Variants in ZNF487 observed in about 807,000 individuals in gnomAD.
ZNF487 encodes KRAB domain only 1.
A neutral mutation model predicts 3.0 loss-of-function variants in ZNF487; 4 were observed. The observed-to-expected ratio is 1.35, with a 90% CI of 0.66 to 3.08. The LOEUF (loss-of-function observed/expected upper bound fraction) is 3.08. Ranked by LOEUF, ZNF487 falls within the 30% of genes most tolerant of loss-of-function variation. ZNF487 has a pLI of 0.01. For missense variants in ZNF487, 146 were observed against 98.7 expected (o/e 1.48, Z -2.03); for synonymous variants, 55 against 34.6 (o/e 1.59, Z -2.06).
chr10:43,470,708 T>A (rs769044886), intron 1 of ZNF487, among the ~76,000 whole-genome samples: 3 of 150,386 alleles, frequency 2.0e-5, no homozygotes, highest in African/African-American at 4.9e-5. Context: ...ATTGTAGAGA[T>A]GGGATTTGCC....
At chr10:43,464,461 G>C (rs1424255513) in intron 1 of ZNF487, among the ~76,000 whole-genome samples, 3 of 151,980 alleles carry the variant, frequency 2.0e-5, no homozygotes, top group African/African-American at 7.2e-5. Flanking sequence ...TGGAGGGAAG[G>C]TCAGCAGATA....
chr10:43,459,113 G>A (rs1408144076), intron 1 of ZNF487, among the ~76,000 whole-genome samples: 1 of 152,042 alleles, frequency 6.6e-6, no homozygotes, highest in Non-Finnish European at 1.5e-5. Context: ...CTTCTCAGTT[G>A]GTTTCTGATC....
At chr10:43,457,890 C>T (rs61859057) in intron 1 of ZNF487, among the ~76,000 whole-genome samples, 15 of 151,778 alleles carry the variant, frequency 9.9e-5, no homozygotes, top group Admixed American at 7.9e-4. Flanking sequence ...GGTGTGGTGG[C>T]GGGCGCCTGT....
Position 43,482,482 on chromosome 10 carries a change from G to A in ZNF487, c.*560G>A, listed in dbSNP as rs746061292. ...TTGCAGTACATCAAAGAACACACAC[G>A]GGACAAAACCTATGAATGTAATGAA... On this transcript the variant is annotated 3_prime_UTR_variant, in exon 4 of 4. Coordinates refer to ENST00000437590, the MANE Select transcript of ZNF487 (RefSeq NM_001355444.3). 18 of 471,636 alleles carry A rather than the reference G, an allele frequency of 3.8e-5. No individual in the cohort carries two copies. Among genetic ancestry groups the A allele is most frequent in the African/African-American group, 8.0e-5 (4 of 50,052 alleles). The allele number at this position is 471,636 out of a possible 1,614,324, so 29.2% of individuals were successfully genotyped here.
the ZNF487 span, among the ~76,000 whole-genome samples, chr10:43,510,544 C>CT: frequency 2.6e-5 from 4 of 151,834 alleles, no homozygotes; most frequent in East Asian, 1.9e-4. Flanking sequence ...CTGTAACTCC[C>CT]TTTTTTTTGT....
At position 43,482,108 on chromosome 10, in the gene ZNF487, G is replaced by T; in HGVS notation, c.*186G>T. 1.8e-6 allele frequency: 1 copy of T among 570,564 alleles called. No homozygotes were observed. Among genetic ancestry groups the T allele is most frequent in the African/African-American group, 1.9e-5 (1 of 53,626 alleles). 35.3% of individuals were successfully genotyped at this position (570,564 alleles called of 1,614,324 possible). On this transcript the variant is annotated 3_prime_UTR_variant, in exon 4 of 4. Transcript: ENST00000437590. ...TATGAGTGTAATGCGAGTGAGAATAGTTTTGGCAAGAAATCACTCCTCATT... is the reference window on the plus strand; with the variant it reads ...TATGAGTGTAATGCGAGTGAGAATATTTTTGGCAAGAAATCACTCCTCATT...
At chr10:43,459,002 A>T (rs1375541678) in intron 1 of ZNF487, among the ~76,000 whole-genome samples, 1 of 152,082 alleles carries the variant, frequency 6.6e-6, no homozygotes, top group African/African-American at 2.4e-5. Flanking sequence ...GACTTGCTGG[A>T]TCTGCCTGGT....
Position 43,482,274 on chromosome 10 carries a change from G to C in ZNF487, c.*352G>C. 1 of 394,698 alleles carries C rather than the reference G, an allele frequency of 2.5e-6. No individual in the cohort carries two copies. The highest frequency in any genetic ancestry group is 2.1e-5 in the South Asian group (1 of 47,962). 24.4% of individuals were successfully genotyped at this position (394,698 alleles called of 1,614,324 possible). ...ATTAATCAGTATGCTAGTACATTTT[G>C]CTGTAAGCCAAAGCATTCTGTATAT... is the stretch of plus-strand genomic sequence containing the variant. On this transcript the variant is annotated 3_prime_UTR_variant, in exon 4 of 4. Transcript: ENST00000437590.
chr10:43,460,208 A>C (rs1170910324), intron 1 of ZNF487, among the ~76,000 whole-genome samples: 1 of 152,096 alleles, frequency 6.6e-6, no homozygotes, highest in East Asian at 1.9e-4. Context: ...ATTGATATTA[A>C]CCTATGGATT....
At chr10:43,466,358 T>C (rs1224790911) in intron 1 of ZNF487, among the ~76,000 whole-genome samples, 1 of 152,018 alleles carries the variant, frequency 6.6e-6, no homozygotes, top group African/African-American at 2.4e-5. Context: ...TATTTGTTTA[T>C]AGCATGGTTT....
At chr10:43,516,733 G>T in the ZNF487 span, among the ~76,000 whole-genome samples, 1 of 152,214 alleles carries the variant, frequency 6.6e-6, no homozygotes, top group African/African-American at 2.4e-5. Flanking sequence ...ATTAGATTGT[G>T]CCCCACCCAG....
intron 1 of ZNF487, among the ~76,000 whole-genome samples, chr10:43,456,591 T>C (rs562154527): frequency 3.3e-5 from 5 of 152,278 alleles, no homozygotes; most frequent in Admixed American, 1.3e-4. Flanking sequence ...TATTTTTCTT[T>C]TTCTTTTGAG....
chr10:43,446,173 G>A (rs1356965151), intron 1 of ZNF487, among the ~76,000 whole-genome samples: 1 of 152,278 alleles, frequency 6.6e-6, no homozygotes, highest in Non-Finnish European at 1.5e-5. Context: ...ATCATGGCCC[G>A]TTCTCAATGA....
At chr10:43,519,592 C>G in the ZNF487 span, among the ~76,000 whole-genome samples, 228 of 152,148 alleles carry the variant, frequency 1.5e-3, 2 homozygotes, top group African/African-American at 5.2e-3. Context: ...CTCAGCCTCC[C>G]AAGCAGCTGG....
chr10:43,473,794 G>A (rs948393875), intron 1 of ZNF487, among the ~76,000 whole-genome samples: 4 of 152,128 alleles, frequency 2.6e-5, no homozygotes, highest in African/African-American at 9.7e-5. Context: ...GGAGGCTTGA[G>A]GTGGGAGGAT....
intron 1 of ZNF487, among the ~76,000 whole-genome samples, chr10:43,465,131 C>CGGGCGGG (rs1418044390): frequency 1.7e-5 from 2 of 118,392 alleles, no homozygotes; most frequent in African/African-American, 6.4e-5. Flanking sequence ...GGCGGCTGGC[C>CGGGCGGG]GGGCGGGGGG....
chr10:43,486,368 A>T (rs1236296885), downstream of ZNF487, among the ~76,000 whole-genome samples: 1 of 152,228 alleles, frequency 6.6e-6, no homozygotes, highest in African/African-American at 2.4e-5. Flanking sequence ...CTCCACTAAA[A>T]ATACAAAATT....
chr10:43,496,692 G>A, the ZNF487 span, among the ~76,000 whole-genome samples: 224 of 152,138 alleles, frequency 1.5e-3, no homozygotes, highest in African/African-American at 4.5e-3. Context: ...CAGTTTTGGG[G>A]GCTAGAAGTC....
the ZNF487 span, among the ~76,000 whole-genome samples, chr10:43,505,382 T>A: frequency 6.6e-6 from 1 of 151,966 alleles, no homozygotes; most frequent in African/African-American, 2.4e-5. Flanking sequence ...CCTCCCGGAT[T>A]CAAGTGATTC....
Sources: gnomAD v4.1 joint callset for allele counts (sites outside exome capture counted in the v4.1 genomes callset) on GRCh38, gnomAD v4.1.1 for gene constraint, MANE v1.5 for transcripts, NCBI Gene and HGNC (gene_info 2026-07-23, HGNC 2026-07-21) for gene names.